The following NWD1 variants were observed in gnomAD, a reference collection of about 807,000 sequenced individuals.
The protein encoded by NWD1 is NACHT and WD repeat domain containing 1.
NWD1 carries 129 observed loss-of-function variants against 135.1 expected under a neutral mutation model. The ratio of observed to expected loss-of-function variants is 0.96; its 90% CI spans 0.83 to 1.11. NWD1 has a LOEUF of 1.11. NWD1 is among the 50% of genes least tolerant of loss of function. NWD1 has a pLI of 0.00. For synonymous variants in NWD1, 773 were observed against 786.0 expected (o/e 0.98, Z 0.28); for missense variants, 1,740 against 1,851.3 (o/e 0.94, Z 1.10).
chr19:16,720,609 G>C (rs954080075), intron 1 of NWD1, among the ~76,000 whole-genome samples: 9 of 152,062 alleles, frequency 5.9e-5, no homozygotes, highest in African/African-American at 2.2e-4. Flanking sequence ...AGGCTGGAGT[G>C]CAGTGGCGTG....
intron 5 of NWD1, among the ~76,000 whole-genome samples, chr19:16,748,635 G>A (rs768821481): frequency 6.6e-6 from 1 of 151,888 alleles, no homozygotes; most frequent in Admixed American, 6.6e-5. Flanking sequence ...ACCAGCTTGG[G>A]CAACATAGTA....
At chr19:16,769,148 G>A (rs1969327341) in intron 10 of NWD1, among the ~76,000 whole-genome samples, 1 of 152,010 alleles carries the variant, frequency 6.6e-6, no homozygotes, top group Non-Finnish European at 1.5e-5. Context: ...GGGAACAAAA[G>A]CTGGGAAAAT....
At chr19:16,755,924 A>T (rs1968776717) in intron 6 of NWD1, among the ~76,000 whole-genome samples, 1 of 152,134 alleles carries the variant, frequency 6.6e-6, no homozygotes, top group Non-Finnish European at 1.5e-5. Context: ...CTCAAAATTG[A>T]TGTATAACTT....
At chr19:16,729,577 TA>T (rs537329853) in intron 2 of NWD1, among the ~76,000 whole-genome samples, 4,700 of 124,724 alleles carry the variant, frequency 0.038, 196 homozygotes, top group African/African-American at 0.11. Flanking sequence ...TTACAAAAAG[TA>T]AAAAAAAAAA....
chr19:16,770,511 C>T (rs1217238937), intron 10 of NWD1, among the ~76,000 whole-genome samples: 1 of 152,110 alleles, frequency 6.6e-6, no homozygotes, highest in African/African-American at 2.4e-5. Flanking sequence ...TGAGAACAGA[C>T]AAATACACAC....
Position 16,749,126 on chromosome 19 carries a change from C to T in NWD1, c.497-13C>T. The T allele has an allele frequency of 1.3e-6, 2 of 1,574,334 alleles. No individual in the cohort carries two copies. Among genetic ancestry groups the T allele is most frequent in the Non-Finnish European group, 8.6e-7 (1 of 1,157,818 alleles). ...ATGACCACACTTCCTTCCCACCTTC[C>T]CCACTTTGGCAGTCATTGAGTGGGA... On this transcript the variant is annotated splice_polypyrimidine_tract_variant and intron_variant, in intron 5 of 18. Coordinates refer to ENST00000524140, the MANE Select transcript of NWD1 (RefSeq NM_001007525.5).
chr19:16,735,742 A>C (rs946230175), intron 3 of NWD1, among the ~76,000 whole-genome samples: 1 of 151,646 alleles, frequency 6.6e-6, no homozygotes, highest in African/African-American at 2.4e-5. Context: ...AGGCATAAGA[A>C]TCGCTTGAAC....
intron 2 of NWD1, among the ~76,000 whole-genome samples, chr19:16,725,499 A>C (rs1261834136): frequency 2.6e-5 from 4 of 152,024 alleles, no homozygotes; most frequent in Non-Finnish European, 4.4e-5. Context: ...AACCTCCTGC[A>C]GGCAAAGATA....
rs908128337 is a variant in NWD1, at chr19:16,724,369, A to G, written c.-101A>G. The G allele has an allele frequency of 2.0e-5, 3 of 152,144 alleles. No homozygotes were observed. The highest frequency in any genetic ancestry group is 7.2e-5 in the African/African-American group (3 of 41,454). The allele number at this position is 152,144 out of a possible 1,614,324, so 9.4% of individuals were successfully genotyped here. Reference sequence around the variant, plus strand: ...GGCTCTTACTTTCATTTCACAGACCATGCGGCCGATGCCCTGGGAGGGAGA... The same window carrying G: ...GGCTCTTACTTTCATTTCACAGACCGTGCGGCCGATGCCCTGGGAGGGAGA... On this transcript the variant is annotated 5_prime_UTR_variant, in exon 2 of 19. An upstream start codon of the reference 5' UTR is lost. Transcript: ENST00000524140.
intron 18 of NWD1, among the ~76,000 whole-genome samples, chr19:16,812,066 T>C: frequency 6.6e-6 from 1 of 151,918 alleles, no homozygotes; most frequent in East Asian, 1.9e-4. Context: ...ATCTCAGCAC[T>C]TCGGGAAGCC....
chr19:16,735,717 C>G (rs1967768211), intron 3 of NWD1, among the ~76,000 whole-genome samples: 1 of 151,544 alleles, frequency 6.6e-6, no homozygotes, highest in South Asian at 2.1e-4. Context: ...GTAGTTCCAG[C>G]TACTCAGGAG....
intron 3 of NWD1, among the ~76,000 whole-genome samples, chr19:16,732,598 A>ATTTTTTTTTTTTT (rs139987064): frequency 8.5e-6 from 1 of 117,298 alleles, no homozygotes. Flanking sequence ...CTGGCTAGGG[A>ATTTTTTTTTTTTT]ATTTTTTTTT....
chr19:16,756,093 A>T (rs1263524277), intron 6 of NWD1, among the ~76,000 whole-genome samples: 1 of 152,122 alleles, frequency 6.6e-6, no homozygotes, highest in Non-Finnish European at 1.5e-5. Context: ...ATAGTAAGAA[A>T]ATCATAAAGG....
chr19:16,807,787 GCC>G lies in NWD1; in HGVS notation c.3939_3940del (p.Leu1314GlyfsTer5). The G allele has an allele frequency of 6.2e-7, 1 of 1,613,848 alleles. No homozygotes were observed. The highest frequency in any genetic ancestry group is 8.5e-7 in the Non-Finnish European group (1 of 1,179,784). ...ATGTCCCTGAGCAAGTGCGAGGACC[GCC>G]TGGCCATCGCCTATGACAACATCGT... On this transcript the variant is annotated frameshift_variant, in exon 18 of 19. Transcript: ENST00000524140. LOFTEE classifies it high-confidence loss of function.
At position 16,749,171 on chromosome 19, in the gene NWD1, A is replaced by T; in HGVS notation, c.529A>T (p.Ser177Cys). ...GTGGGAGATAGAGCGGAGCCTGCTGAGCTCAGAGGACCGGGAACAGGGAGC... is the reference window on the plus strand; with the variant it reads ...GTGGGAGATAGAGCGGAGCCTGCTGTGCTCAGAGGACCGGGAACAGGGAGC... ...IEWEIERSLL[S>C]SEDREQGATV... is the part of the protein sequence containing the mutation. Residue 177 changes from serine to cysteine, a missense_variant, in exon 6 of 19, where the codon AGC becomes TGC. By Grantham distance (112) the Ser-to-Cys change is moderately radical. Transcript: ENST00000524140. 6.2e-7 allele frequency: 1 copy of T among 1,611,568 alleles called. No individual in the cohort carries two copies. The highest frequency in any genetic ancestry group is 1.1e-5 in the South Asian group (1 of 90,814).
intron 17 of NWD1, among the ~76,000 whole-genome samples, chr19:16,803,401 G>A (rs776697074): frequency 1.3e-5 from 2 of 152,052 alleles, no homozygotes; most frequent in African/African-American, 4.8e-5. Flanking sequence ...AATTTGGTGG[G>A]GGGGTGGGGA....
chr19:16,765,118 T>C lies in NWD1; in HGVS notation c.2336T>C (p.Leu779Pro), dbSNP rs1259682855. ...GACTTTGACCTGTGTGCCCCTCACC[T>C]GGACTCCCCTGAGGTTGGCCTGGTC... Reference protein sequence around the residue: ...LDDFDLCAPHLDSPEVGLVRE... With the variant: ...LDDFDLCAPHPDSPEVGLVRE... The change falls in exon 10 of 19, where the codon CTG (leucine) becomes CCG (proline). Residue 779 changes from leucine (L) to proline (P), a missense_variant. Coordinates refer to ENST00000524140, the MANE Select transcript of NWD1 (RefSeq NM_001007525.5). 6.2e-7 allele frequency: 1 copy of C among 1,614,050 alleles called. No homozygotes were observed. The highest frequency in any genetic ancestry group is 2.2e-5 in the East Asian group (1 of 44,900).
chr19:16,812,057 T>C (rs554283344), intron 18 of NWD1, among the ~76,000 whole-genome samples: 1 of 152,270 alleles, frequency 6.6e-6, no homozygotes, highest in South Asian at 2.1e-4. Context: ...ATGCCTGTAA[T>C]CTCAGCACTT....
chr19:16,780,810 A>G (rs1233546126), intron 12 of NWD1, among the ~76,000 whole-genome samples: 1 of 151,972 alleles, frequency 6.6e-6, no homozygotes, highest in African/African-American at 2.4e-5. Flanking sequence ...GGCACACACC[A>G]CCACACCTGG....
Sources: gnomAD v4.1 joint callset for allele counts (sites outside exome capture counted in the v4.1 genomes callset) on GRCh38, gnomAD v4.1.1 for gene constraint, MANE v1.5 for transcripts, NCBI Gene and HGNC (gene_info 2026-07-23, HGNC 2026-07-21) for gene names.